Variants in RPTOR observed in about 807,000 individuals in gnomAD.
RPTOR encodes the protein regulatory-associated protein of mTOR.
Under a neutral mutation model 169.9 loss-of-function variants are expected in RPTOR, and 21 were observed. The ratio of observed to expected loss-of-function variants is 0.12; its 90% CI spans 0.09 to 0.18. RPTOR has a LOEUF of 0.18. Among genes scored for constraint, RPTOR ranks in the 10% least tolerant of loss-of-function variants. The probability of loss-of-function intolerance (pLI) is 1.00; values close to 1 mark genes in which losing one functional copy is unlikely to be tolerated. For synonymous variants in RPTOR, 732 were observed against 753.2 expected, an observed-to-expected ratio of 0.97 and a Z score of 0.46; for missense variants, 1,133 against 1,855.9, an observed-to-expected ratio of 0.61 and a Z score of 7.16.
chr17:80,830,136 CCCACGCTATAGGTGTA>C (rs2067487108), intron 9 of RPTOR, among the ~76,000 whole-genome samples: 1 of 152,168 alleles, frequency 6.6e-6, no homozygotes, highest in East Asian at 1.9e-4. Context: ...GACAGCAGGT[CCCACGCTATAGGTGTA>C]CACAGATTCT....
In RPTOR at chr17:80,966,127, G is replaced by A. The variant is rs866664980; in HGVS notation, c.*1797G>A. The A allele has an allele frequency of 6.0e-5, 7 of 117,540 alleles. No individual in the cohort carries two copies. The highest frequency in any genetic ancestry group is 4.3e-4 in the South Asian group (1 of 2,338). 7.3% of individuals were successfully genotyped at this position (117,540 alleles called of 1,614,324 possible). Reference sequence around the variant, plus strand: ...TCCAGAGGGGTCAAGACCCCCCCCCGCCCCCGCTCCACCCTGGAGCCCACC... The same window carrying A: ...TCCAGAGGGGTCAAGACCCCCCCCCACCCCCGCTCCACCCTGGAGCCCACC... On this transcript the variant is annotated 3_prime_UTR_variant, in exon 34 of 34. Coordinates refer to ENST00000306801, the MANE Select transcript of RPTOR (RefSeq NM_020761.3).
chr17:80,862,798 G>A (rs986880796), intron 13 of RPTOR, among the ~76,000 whole-genome samples: 2 of 152,162 alleles, frequency 1.3e-5, no homozygotes, highest in Admixed American at 6.5e-5. Flanking sequence ...TGCAGATCGG[G>A]GTGCACATGG....
rs1299397952 is a variant in RPTOR, at chr17:80,957,161, C to T, written c.3371-463C>T. 1.4e-5 allele frequency among the ~76,000 whole-genome samples: 1 copy of T among 70,922 alleles called. No homozygotes were observed. Among genetic ancestry groups the T allele is most frequent in the African/African-American group, 1.1e-4 (1 of 9,454 alleles). The allele number at this position is 70,922 out of a possible 152,430, so 46.5% of individuals were successfully genotyped here. A position where few individuals can be genotyped will look rare whatever the true frequency, so the allele number is the denominator to read the frequency against. ...GAGTTCCAGCTTAGAATTGTCACCC[C>T]GGCCTGGACTTGGGAGTTCCAGCTT... On this transcript the variant is annotated intron_variant, in intron 28 of 33. Coordinates refer to ENST00000306801, the MANE Select transcript of RPTOR (RefSeq NM_020761.3). This position sits in a 1 kb window ranked among gnomAD's most constrained non-coding sequence, Gnocchi z 4.6.
chr17:80,879,659 C>T (rs1443132664), intron 13 of RPTOR, among the ~76,000 whole-genome samples: 1 of 152,204 alleles, frequency 6.6e-6, no homozygotes, highest in African/African-American at 2.4e-5. Context: ...GGCACAAATA[C>T]CTAGTGCTCA....
At chr17:80,665,383 C>A (rs1478089822) in intron 3 of RPTOR, among the ~76,000 whole-genome samples, 19 of 5,548 alleles carry the variant, frequency 3.4e-3, no homozygotes, top group African/African-American at 6.4e-3. Flanking sequence ...CTTTCCTTTC[C>A]TTTCCTTTCC....
At chr17:80,683,367 G>A (rs907245626) in intron 3 of RPTOR, among the ~76,000 whole-genome samples, 9 of 152,202 alleles carry the variant, frequency 5.9e-5, no homozygotes, top group African/African-American at 2.2e-4. Context: ...GCTTCCTCAG[G>A]TGCTGTCGGA....
At chr17:80,821,432 G>A (rs2067377196) in intron 7 of RPTOR, among the ~76,000 whole-genome samples, 1 of 152,164 alleles carries the variant, frequency 6.6e-6, no homozygotes, top group African/African-American at 2.4e-5. Flanking sequence ...CGTGGCATTT[G>A]GTTTTCCATT....
chr17:80,788,210 C>T (rs1205304290), intron 6 of RPTOR, among the ~76,000 whole-genome samples: 1 of 152,194 alleles, frequency 6.6e-6, no homozygotes, highest in African/African-American at 2.4e-5. Context: ...TGGTGGCTTA[C>T]ACCTGTAATC....
At chr17:80,951,305 C>G (rs1250349515) in intron 28 of RPTOR, among the ~76,000 whole-genome samples, 1 of 152,256 alleles carries the variant, frequency 6.6e-6, no homozygotes, top group African/African-American at 2.4e-5. Flanking sequence ...CTCAGTCTCT[C>G]CGGGTCAGGA....
intron 3 of RPTOR, among the ~76,000 whole-genome samples, chr17:80,684,404 GTTTATTTATTTATTTATTTATTTA>G (rs55921146): frequency 2.9e-5 from 4 of 136,856 alleles, no homozygotes; most frequent in South Asian, 2.4e-4. Context: ...GGAGATACAT[GTTTATTTATTTATTTATTTATTTA>G]TTTATTTATT....
chr17:80,564,381 G>C (rs2084548043), intron 1 of RPTOR, among the ~76,000 whole-genome samples: 1 of 152,126 alleles, frequency 6.6e-6, no homozygotes. Context: ...TATGTCTCTG[G>C]TGTTGATTCC....
chr17:80,739,772 A>G (rs906470444), intron 5 of RPTOR, among the ~76,000 whole-genome samples: 8 of 152,252 alleles, frequency 5.3e-5, no homozygotes, highest in Non-Finnish European at 1.2e-4. Flanking sequence ...TATACAACAT[A>G]TCTGTATTTA....
intron 1 of RPTOR, among the ~76,000 whole-genome samples, chr17:80,583,211 CAG>C (rs1252731455): frequency 2.1e-5 from 1 of 47,822 alleles, no homozygotes; most frequent in Non-Finnish European, 4.5e-5. Flanking sequence ...TTTTTTGAGA[CAG>C]AGTCTTGCTC....
chr17:80,953,825 G>A (rs943857848), intron 28 of RPTOR, among the ~76,000 whole-genome samples: 8 of 152,186 alleles, frequency 5.3e-5, no homozygotes, highest in Non-Finnish European at 1.2e-4. Context: ...GTGCCCTCCC[G>A]CCCGGTTGCA....
chr17:80,705,184 T>A (rs1487984629), intron 3 of RPTOR, among the ~76,000 whole-genome samples: 1 of 152,276 alleles, frequency 6.6e-6, no homozygotes, highest in African/African-American at 2.4e-5. Flanking sequence ...CCTTCATAGA[T>A]GAAAATGGAC....
chr17:80,617,800 G>GGGCTGACT (rs923320150), intron 1 of RPTOR, among the ~76,000 whole-genome samples: 4 of 152,142 alleles, frequency 2.6e-5, no homozygotes, highest in Admixed American at 6.5e-5. Flanking sequence ...GGTGGGCGGT[G>GGGCTGACT]GGCTGACTGG....
intron 3 of RPTOR, among the ~76,000 whole-genome samples, chr17:80,660,908 G>C (rs995825043): frequency 2.0e-5 from 3 of 151,986 alleles, no homozygotes; most frequent in Non-Finnish European, 2.9e-5. Context: ...TGTGGCTCTG[G>C]CTCACCTGCT....
intron 20 of RPTOR, among the ~76,000 whole-genome samples, chr17:80,896,615 C>T (rs1000407852): frequency 1.3e-5 from 2 of 151,970 alleles, no homozygotes; most frequent in African/African-American, 4.8e-5. Context: ...GCTGCGGGGG[C>T]AGCACCTTTG....
At chr17:80,948,175 G>C (rs958227173) in intron 27 of RPTOR, among the ~76,000 whole-genome samples, 1 of 152,200 alleles carries the variant, frequency 6.6e-6, no homozygotes, top group Admixed American at 6.5e-5. Flanking sequence ...CACCCAGCCT[G>C]TCCCTGTCGG....
Sources: allele counts gnomAD v4.1 joint callset (sites outside exome capture counted in the v4.1 genomes callset), GRCh38; gene constraint gnomAD v4.1.1; non-coding constraint Gnocchi (gnomAD v3.1); transcripts MANE v1.5; gene names NCBI Gene and HGNC (gene_info 2026-07-23, HGNC 2026-07-21).